The following YPEL2 variants were observed in gnomAD, a reference collection of about 807,000 sequenced individuals.
YPEL2 encodes protein yippee-like 2.
A neutral mutation model predicts 19.1 loss-of-function variants in YPEL2; 2 were observed. The ratio of observed to expected loss-of-function variants is 0.10; its 90% CI spans 0.04 to 0.33. The LOEUF (loss-of-function observed/expected upper bound fraction) is 0.33, where lower values mean the gene tolerates loss of function less well. Among genes scored for constraint, YPEL2 ranks in the 10% least tolerant of loss-of-function variants. YPEL2 has a pLI of 1.00. For missense variants in YPEL2, 66 were observed against 140.7 expected (o/e 0.47, Z 2.68); for synonymous variants, 52 against 50.0 (o/e 1.04, Z -0.17).
In YPEL2 at chr17:59,399,053, C is replaced by G. The variant is rs914862697; in HGVS notation, c.*1863C>G. Reference sequence around the variant, plus strand: ...AGATCTTTCCAGTGCTTTCATAGCCCTGGGAGATCAAGTTGTTCTCCCCAC... The same window carrying G: ...AGATCTTTCCAGTGCTTTCATAGCCGTGGGAGATCAAGTTGTTCTCCCCAC... On this transcript the variant is annotated 3_prime_UTR_variant, in exon 5 of 5. Transcript: ENST00000312655. 1.3e-5 allele frequency: 2 copies of G among 152,460 alleles called. No homozygotes were observed. Among genetic ancestry groups the G allele is most frequent in the African/African-American group, 4.8e-5 (2 of 41,450 alleles). 9.4% of individuals were successfully genotyped at this position (152,460 alleles called of 1,614,324 possible). A position where few individuals can be genotyped will look rare whatever the true frequency, so the allele number is the denominator to read the frequency against.
chr17:59,343,077 G>A (rs1301264754), intron 1 of YPEL2, among the ~76,000 whole-genome samples: 1 of 152,170 alleles, frequency 6.6e-6, no homozygotes, highest in Admixed American at 6.5e-5. Flanking sequence ...TAATTTCATG[G>A]CCCTACTGAG....
chr17:59,379,203 T>G (rs1356054487), intron 2 of YPEL2, among the ~76,000 whole-genome samples: 1 of 152,212 alleles, frequency 6.6e-6, no homozygotes, highest in East Asian at 1.9e-4. Flanking sequence ...TTAACTTTGT[T>G]CTTTATCATC....
chr17:59,352,482 A>G (rs2047792402), intron 1 of YPEL2, among the ~76,000 whole-genome samples: 1 of 152,188 alleles, frequency 6.6e-6, no homozygotes, highest in Non-Finnish European at 1.5e-5. Context: ...GCTGGGAGAA[A>G]TTCTGGTAAA....
chr17:59,336,773 A>G (rs1274310638), intron 1 of YPEL2, among the ~76,000 whole-genome samples: 1 of 152,088 alleles, frequency 6.6e-6, no homozygotes, highest in Non-Finnish European at 1.5e-5. Context: ...TGGTGGGGTC[A>G]GAGGAGGACT....
chr17:59,335,055 C>T (rs1427330371), intron 1 of YPEL2, among the ~76,000 whole-genome samples: 2 of 152,114 alleles, frequency 1.3e-5, no homozygotes, highest in East Asian at 1.9e-4. Flanking sequence ...TTCCCCTGAG[C>T]ATAAAAAGGT....
Position 59,399,538 on chromosome 17 carries a change from T to G in YPEL2, c.*2348T>G, listed in dbSNP as rs2048059282. On this transcript the variant is annotated 3_prime_UTR_variant, in exon 5 of 5. Coordinates refer to ENST00000312655, the MANE Select transcript of YPEL2 (RefSeq NM_001005404.4). Reference sequence around the variant, plus strand: ...AGACCCTGGTTCTGAATGTTTTTTTTTTCGGTGACTATCCAGTGAGCCTTC... The same window carrying G: ...AGACCCTGGTTCTGAATGTTTTTTTGTTCGGTGACTATCCAGTGAGCCTTC... The G allele has an allele frequency of 6.6e-6, 1 of 152,280 alleles. No individual in the cohort carries two copies. The highest frequency in any genetic ancestry group is 2.1e-4 in the South Asian group (1 of 4,818). The allele number at this position is 152,280 out of a possible 1,614,324, so 9.4% of individuals were successfully genotyped here.
intron 2 of YPEL2, chr17:59,363,299 CTTTTTTTTTTTCTTT>C (rs1167766107): frequency 1.0e-4 from 15 of 147,514 alleles, no homozygotes; most frequent in African/African-American, 3.6e-4. Flanking sequence ...AAGACTTACC[CTTTTTTTTTTTCTTT>C]TTTTTTTTTT....
At chr17:59,332,307 C>T (rs776114873) in intron 1 of YPEL2, among the ~76,000 whole-genome samples, 7 of 152,182 alleles carry the variant, frequency 4.6e-5, no homozygotes, top group Non-Finnish European at 8.8e-5. Context: ...GGGCGCCGCC[C>T]TGGGGGCCTT....
intron 4 of YPEL2, 42 bp downstream of exon 4, chr17:59,389,510 A>G (rs2047997268): frequency 2.7e-6 from 4 of 1,502,726 alleles, no homozygotes; most frequent in Non-Finnish European, 3.7e-6. Context: ...CTGGAAGGGA[A>G]TTGCCAAGAG....
intron 2 of YPEL2, among the ~76,000 whole-genome samples, chr17:59,378,039 G>A (rs1003177243): frequency 6.6e-6 from 1 of 152,178 alleles, no homozygotes; most frequent in Non-Finnish European, 1.5e-5. Context: ...TCGGAAGGAT[G>A]AAGTGACTGG....
In YPEL2 at chr17:59,398,771, T is replaced by G. The variant is rs879470235; in HGVS notation, c.*1581T>G. On this transcript the variant is annotated 3_prime_UTR_variant, in exon 5 of 5. Transcript: ENST00000312655. The stretch of plus-strand genomic sequence containing the variant: ...AGCATCTCCTCCAAGTAGGCCGACC[T>G]TCTCGGAAAATTCACCCTAAAAGTC... 3.9e-5 allele frequency: 6 copies of G among 152,152 alleles called. No homozygotes were observed. Among genetic ancestry groups the G allele is most frequent in the Admixed American group, 6.5e-5 (1 of 15,278 alleles). The allele number at this position is 152,152 out of a possible 1,614,324, so 9.4% of individuals were successfully genotyped here.
In YPEL2 at chr17:59,353,261, GA is replaced by G. The variant is rs760887626; in HGVS notation, c.-147del. 3 of 607,098 alleles carry G rather than the reference GA, an allele frequency of 4.9e-6. No homozygotes were observed. The highest frequency in any genetic ancestry group is 8.8e-6 in the Non-Finnish European group (3 of 341,468). The allele number at this position is 607,098 out of a possible 1,614,324, so 37.6% of individuals were successfully genotyped here. A position where few individuals can be genotyped will look rare whatever the true frequency, so the allele number is the denominator to read the frequency against. ...ACCTCTGCGTGAGGGTTCTTCTGCC[GA>G]AGACATCACCAGTGTGTGGAGCCTG... On this transcript the variant is annotated 5_prime_UTR_variant, in exon 2 of 5. Transcript: ENST00000312655. This position sits in a 1 kb window ranked among gnomAD's most constrained non-coding sequence, Gnocchi z 4.8.
intron 2 of YPEL2, among the ~76,000 whole-genome samples, chr17:59,377,088 G>A (rs1598045876): frequency 6.6e-6 from 1 of 152,002 alleles, no homozygotes; most frequent in Non-Finnish European, 1.5e-5. Context: ...GGTTACAAAG[G>A]AAGTCTTACT....
intron 2 of YPEL2, among the ~76,000 whole-genome samples, chr17:59,383,891 T>A (rs560261360): frequency 1.3e-5 from 2 of 152,092 alleles, no homozygotes; most frequent in East Asian, 3.9e-4. Flanking sequence ...TATATGGATA[T>A]ACCAATCTAT....
Position 59,387,257 on chromosome 17 carries a change from T to TCAAAAAA in YPEL2, c.118-1070_118-1069insCAAAAAA, listed in dbSNP as rs1555571964. 7.7e-5 allele frequency among the ~76,000 whole-genome samples: 6 copies of TCAAAAAA among 77,558 alleles called. 1 individual carries two copies. The highest frequency in any genetic ancestry group is 5.0e-5 in the Non-Finnish European group (2 of 39,886). 50.9% of individuals were successfully genotyped at this position (77,558 alleles called of 152,430 possible). On this transcript the variant is annotated intron_variant, in intron 2 of 4. Transcript: ENST00000312655. ...CTGGATGACAGAGCAAGACTCCATCTAAAAAAAAAAAAAAAAAAAAAAAGA... is the reference window on the plus strand; with the variant it reads ...CTGGATGACAGAGCAAGACTCCATCTCAAAAAAAAAAAAAAAAAAAAAAAAAAAAAGA...
intron 4 of YPEL2, among the ~76,000 whole-genome samples, chr17:59,395,806 C>G (rs1478356216): frequency 1.3e-5 from 2 of 152,274 alleles, no homozygotes; most frequent in South Asian, 4.2e-4. Context: ...CGTCCGGGCG[C>G]GGTGGCTCAC....
chr17:59,394,832 A>G (rs1259563731), intron 4 of YPEL2, among the ~76,000 whole-genome samples: 1 of 152,220 alleles, frequency 6.6e-6, no homozygotes. Context: ...TCCGTCTGCA[A>G]TCCCGGCACC....
chr17:59,395,634 G>A (rs2048035056), intron 4 of YPEL2, among the ~76,000 whole-genome samples: 1 of 152,130 alleles, frequency 6.6e-6, no homozygotes, highest in African/African-American at 2.4e-5. Flanking sequence ...AGGACTGCCA[G>A]GTTCTCTGGC....
chr17:59,342,206 A>G (rs2047735303), intron 1 of YPEL2, among the ~76,000 whole-genome samples: 1 of 152,194 alleles, frequency 6.6e-6, no homozygotes, highest in African/African-American at 2.4e-5. Context: ...TTTGTAGCTA[A>G]TTGGGGCCCC....
Sources: gnomAD v4.1 joint callset for allele counts (sites outside exome capture counted in the v4.1 genomes callset) on GRCh38, gnomAD v4.1.1 for gene constraint, Gnocchi (gnomAD v3.1) non-coding constraint, MANE v1.5 for transcripts, NCBI Gene and HGNC (gene_info 2026-07-23, HGNC 2026-07-21) for gene names.